RNF150: variants seen among roughly 807,000 people sequenced by gnomAD.
The protein encoded by RNF150 is ring finger protein 150.
RNF150 carries 24 observed loss-of-function variants against 39.3 expected under a neutral mutation model. The ratio of observed to expected loss-of-function variants is 0.61; its 90% CI spans 0.44 to 0.86. RNF150 has a LOEUF of 0.86. Among genes scored for constraint, RNF150 ranks in the 40% least tolerant of loss-of-function variants. RNF150 has a pLI of 0.00. For synonymous variants in RNF150, 255 were observed against 227.3 expected (o/e 1.12, Z -1.10); for missense variants, 502 against 587.8 (o/e 0.85, Z 1.51).
chr4:141,026,025 A>G (rs1438670559), intron 1 of RNF150, among the ~76,000 whole-genome samples: 1 of 152,168 alleles, frequency 6.6e-6, no homozygotes, highest in Non-Finnish European at 1.5e-5. Context: ...ATGAGTACAC[A>G]AAAAGAAAGC....
chr4:140,955,673 G>T (rs2111391006), intron 2 of RNF150, among the ~76,000 whole-genome samples: 1 of 152,204 alleles, frequency 6.6e-6, no homozygotes. Flanking sequence ...TTCTCCTGAG[G>T]GCTTTGTACT....
At chr4:141,000,062 GAAGAAGAAGAAGAAGAAGAAGAAGGAGA>G (rs1734593102) in intron 1 of RNF150, among the ~76,000 whole-genome samples, 1 of 103,376 alleles carries the variant, frequency 9.7e-6, no homozygotes, top group Non-Finnish European at 2.1e-5. Flanking sequence ...AGAAGAAGAA[GAAGAAGAAGAAGAAGAAGAAGAAGGAGA>G]AGAAGAAGAA....
intron 1 of RNF150, among the ~76,000 whole-genome samples, chr4:140,979,339 A>C (rs913178679): frequency 2.0e-5 from 3 of 152,086 alleles, no homozygotes; most frequent in Admixed American, 2.0e-4. Context: ...ATAATATCAT[A>C]AATGAAATTA....
intron 1 of RNF150, among the ~76,000 whole-genome samples, chr4:141,170,486 T>C (rs1727696670): frequency 6.6e-6 from 1 of 152,212 alleles, no homozygotes; most frequent in Non-Finnish European, 1.5e-5. Context: ...TAATTTGCCA[T>C]TGTTATTTCT....
intron 1 of RNF150, among the ~76,000 whole-genome samples, chr4:141,172,491 G>T (rs753589533): frequency 9.9e-5 from 15 of 151,324 alleles, no homozygotes; most frequent in Non-Finnish European, 2.2e-4. Flanking sequence ...ACACACATTT[G>T]CCATGCTTAA....
chr4:141,180,654 C>A (rs1727892471), intron 1 of RNF150, among the ~76,000 whole-genome samples: 1 of 152,134 alleles, frequency 6.6e-6, no homozygotes, highest in African/African-American at 2.4e-5. Flanking sequence ...TGGTGCCATA[C>A]TCCTCATCTG....
intron 1 of RNF150, among the ~76,000 whole-genome samples, chr4:141,020,276 A>T (rs917996474): frequency 6.6e-6 from 1 of 152,158 alleles, no homozygotes; most frequent in Non-Finnish European, 1.5e-5. Flanking sequence ...CTCTTCCCCA[A>T]TAAGAGTTTC....
At chr4:141,117,283 C>T (rs1739580753) in intron 1 of RNF150, among the ~76,000 whole-genome samples, 4 of 152,086 alleles carry the variant, frequency 2.6e-5, no homozygotes. Flanking sequence ...TGCATTGCTA[C>T]AAATATATAT....
intron 1 of RNF150, among the ~76,000 whole-genome samples, chr4:141,186,808 C>T (rs905358589): frequency 4.6e-5 from 7 of 152,156 alleles, no homozygotes; most frequent in African/African-American, 7.2e-5. Flanking sequence ...AAACCAGCTC[C>T]TGGATTCATT....
chr4:141,006,344 T>C (rs1002465140), intron 1 of RNF150, among the ~76,000 whole-genome samples: 2 of 152,044 alleles, frequency 1.3e-5, no homozygotes, highest in Non-Finnish European at 2.9e-5. Context: ...TCTTTTGTCT[T>C]TGACCACTTT....
At chr4:140,880,685 CT>C (rs1038709115) in intron 6 of RNF150, among the ~76,000 whole-genome samples, 2 of 150,896 alleles carry the variant, frequency 1.3e-5, no homozygotes, top group Admixed American at 1.3e-4. Flanking sequence ...AACAAAAGGT[CT>C]TTTTATTACT....
chr4:141,027,926 G>GTTT (rs61543533), intron 1 of RNF150, among the ~76,000 whole-genome samples: 28 of 69,120 alleles, frequency 4.1e-4, no homozygotes, highest in Admixed American at 8.8e-4. Context: ...TTTTTTTTTT[G>GTTT]TTTTTTTTTT....
At position 141,193,156 on chromosome 4, in the gene RNF150, T is replaced by C. The variant is rs542232200; in HGVS notation, c.-6+19638A>G. On this transcript the variant is annotated intron_variant, in intron 1 of 7. Transcript: ENST00000420921. ...ATTGCCTGTCTCCCATGTAATGTAA[T>C]GTAAGCTGTAAGGACAAGGGATTTT... is the stretch of plus-strand genomic sequence containing the variant. Among the ~76,000 whole-genome samples, 44 of 152,386 alleles carry C rather than the reference T, an allele frequency of 2.9e-4. 1 individual carries two copies. In the South Asian group the frequency reaches 8.7e-3, roughly 30 times the overall value.
rs1474730952 is a variant in RNF150 at position 141,057,239 on chromosome 4, CTTATTTTTT to C, written c.484+75077_484+75085del. Among the ~76,000 whole-genome samples, 4 of 151,622 alleles carry C rather than the reference CTTATTTTTT, an allele frequency of 2.6e-5. No homozygotes were observed. In the East Asian group the frequency reaches 7.8e-4, roughly 29 times the overall value. ...TGGTAACATTCAATAAATGTTAATTCTTATTTTTTAAAATTATATTTATGTAATAGGTTA... is the reference window on the plus strand; with the variant it reads ...TGGTAACATTCAATAAATGTTAATTCAAAATTATATTTATGTAATAGGTTA... On this transcript the variant is annotated intron_variant, in intron 1 of 6. Transcript: ENST00000515673.
Position 140,899,944 on chromosome 4 carries a change from T to TCTCTCTCTC in RNF150, c.1198+11199_1198+11200insGAGAGAGAG, listed in dbSNP as rs1730114654. ...ATCCTAGTAGGTTCTCTCTCTCACT[T>TCTCTCTCTC]TCTCTCTCTCTCTCTCTCTCTCTCT... On this transcript the variant is annotated intron_variant, in intron 6 of 6. Transcript: ENST00000515673. Among the ~76,000 whole-genome samples, 16 of 110,120 alleles carry TCTCTCTCTC rather than the reference T, an allele frequency of 1.5e-4. No homozygotes were observed. The East Asian group carries it at 1.8e-3, about 13-fold the overall frequency. The allele number at this position is 110,120 out of a possible 152,430, so 72.2% of individuals were successfully genotyped here. A position where few individuals can be genotyped will look rare whatever the true frequency, so the allele number is the denominator to read the frequency against.
chr4:141,012,792 A>AAAAAAAAAAAC (rs1735122582), intron 1 of RNF150, among the ~76,000 whole-genome samples: 1 of 150,650 alleles, frequency 6.6e-6, no homozygotes, highest in Non-Finnish European at 1.5e-5. Context: ...AAAAAAAAAA[A>AAAAAAAAAAAC]AAAAAAAAAA....
chr4:141,131,640 T>C (rs1349072693), intron 1 of RNF150, among the ~76,000 whole-genome samples: 1 of 152,220 alleles, frequency 6.6e-6, no homozygotes, highest in African/African-American at 2.4e-5. Context: ...ACCTTCAGCA[T>C]ATTTAACCTC....
At position 140,880,662 on chromosome 4, in the gene RNF150, TTTGTTTG is replaced by T. The variant is rs1486408850; in HGVS notation, c.1199-12290_1199-12284del. Among the ~76,000 whole-genome samples, 5 of 151,882 alleles carry T rather than the reference TTTGTTTG, an allele frequency of 3.3e-5. No homozygotes were observed. The East Asian group carries it at 7.7e-4, about 23-fold the overall frequency. On this transcript the variant is annotated intron_variant, in intron 6 of 6. Transcript: ENST00000515673. ...GGGTTTTTTTTTGTTTGTTTGTTTGTTTGTTTGTTTTAAACAAAAGGTCTTTTTATTA... is the reference window on the plus strand; with the variant it reads ...GGGTTTTTTTTTGTTTGTTTGTTTGTTTTTAAACAAAAGGTCTTTTTATTA...
chr4:141,053,253 T>C (rs1736847296), intron 1 of RNF150, among the ~76,000 whole-genome samples: 2 of 152,144 alleles, frequency 1.3e-5, no homozygotes, highest in African/African-American at 4.8e-5. Context: ...CTCTGAGGAC[T>C]GTGCAAATAG....
Sources: allele counts gnomAD v4.1 joint callset (sites outside exome capture counted in the v4.1 genomes callset), GRCh38; gene constraint gnomAD v4.1.1; transcripts MANE v1.5; gene names NCBI Gene and HGNC (gene_info 2026-07-23, HGNC 2026-07-21).